Variants in LTBP2 observed in about 807,000 individuals in gnomAD.
The protein encoded by LTBP2 is latent-transforming growth factor beta-binding protein 2.
A neutral mutation model predicts 210.6 loss-of-function variants in LTBP2; 103 were observed. The observed-to-expected ratio is 0.49, with a 90% CI of 0.42 to 0.58. The LOEUF (loss-of-function observed/expected upper bound fraction) is 0.58. Among genes scored for constraint, LTBP2 ranks in the 20% least tolerant of loss-of-function variants. The pLI is 0.00. For synonymous variants in LTBP2, 1,007 were observed against 1,015.0 expected (o/e 0.99, Z 0.15); for missense variants, 2,313 against 2,494.5 (o/e 0.93, Z 1.55).
chr14:74,566,693 G>A (rs2087907190), intron 3 of LTBP2, among the ~76,000 whole-genome samples: 1 of 152,310 alleles, frequency 6.6e-6, no homozygotes, highest in East Asian at 1.9e-4. Context: ...ACGCTGATAG[G>A]GCATCATCAA....
chr14:74,611,714 C>T lies in LTBP2; in HGVS notation c.231G>A (p.Ala77=), dbSNP rs1230336702. 6 of 1,593,374 alleles carry T rather than the reference C, an allele frequency of 3.8e-6. No individual in the cohort carries two copies. In the South Asian group the frequency reaches 6.7e-5, roughly 18 times the overall value. The change falls in exon 1 of 36, where the codon GCG becomes GCA. Residue 77 remains alanine, a synonymous_variant. Coordinates refer to ENST00000261978, the MANE Select transcript of LTBP2 (RefSeq NM_000428.3). The part of the protein sequence containing the change: ...KVYSLFREQD[A]PVAGLQPVER... ...CCACGGGCTGCAAGCCCGCGACAGG[C>T]GCGTCCTGCTCCCGGAACAGACTGT...
intron 13 of LTBP2, among the ~76,000 whole-genome samples, chr14:74,527,036 T>C (rs2139716622): frequency 6.6e-6 from 1 of 152,304 alleles, no homozygotes; most frequent in African/African-American, 2.4e-5. Context: ...GCTTAAAGCT[T>C]GAGTGACAGC....
At chr14:74,597,252 G>A (rs1054607418) in intron 2 of LTBP2, among the ~76,000 whole-genome samples, 1 of 152,136 alleles carries the variant, frequency 6.6e-6, no homozygotes, top group Non-Finnish European at 1.5e-5. Flanking sequence ...GTCAATTGTC[G>A]GGCACAGTGC....
chr14:74,586,811 G>A lies in LTBP2; in HGVS notation c.566-693C>T, dbSNP rs185174358. Among the ~76,000 whole-genome samples, 13 of 152,218 alleles carry A rather than the reference G, an allele frequency of 8.5e-5. No homozygotes were observed. The highest frequency in any genetic ancestry group is 1.9e-4 in the Non-Finnish European group (13 of 68,006). Reference sequence around the variant, plus strand: ...TTAGCAAGGCAGAACTCTCGACTGCGGCCAGAGAAAGCACGGTGGCCAGAA... The same window carrying A: ...TTAGCAAGGCAGAACTCTCGACTGCAGCCAGAGAAAGCACGGTGGCCAGAA... On this transcript the variant is annotated intron_variant, in intron 2 of 35. Transcript: ENST00000261978. This position sits in a 1 kb window ranked among gnomAD's most constrained non-coding sequence, Gnocchi z 4.6.
In LTBP2 at chr14:74,597,084, C is replaced by T. The variant is rs2088376849; in HGVS notation, c.565+6551G>A. On this transcript the variant is annotated intron_variant, in intron 2 of 35. Coordinates refer to ENST00000261978, the MANE Select transcript of LTBP2 (RefSeq NM_000428.3). ...AAAATAGAAGACCCCAGACTAAGTC[C>T]TGGGAAACCCACAGTTTAGTAGTGA... 2.0e-5 allele frequency among the ~76,000 whole-genome samples: 3 copies of T among 152,190 alleles called. No individual in the cohort carries two copies. The South Asian group carries it at 6.2e-4, about 32-fold the overall frequency.
intron 8 of LTBP2, among the ~76,000 whole-genome samples, chr14:74,548,414 G>T (rs1485383145): frequency 6.6e-6 from 1 of 152,010 alleles, no homozygotes; most frequent in African/African-American, 2.4e-5. Context: ...TGGAGAGGAA[G>T]GTGCGGTTTT....
chr14:74,606,255 A>G (rs2088524874), intron 1 of LTBP2, among the ~76,000 whole-genome samples: 1 of 152,172 alleles, frequency 6.6e-6, no homozygotes, highest in Non-Finnish European at 1.5e-5. Context: ...GCCCTTTGTT[A>G]AAAACCTCCC....
At position 74,528,896 on chromosome 14, in the gene LTBP2, C is replaced by T. The variant is rs1379727745; in HGVS notation, c.2152+62G>A. 6 of 1,587,982 alleles carry T rather than the reference C, an allele frequency of 3.8e-6. No individual in the cohort carries two copies. The African/African-American group carries it at 6.7e-5, about 18-fold the overall frequency. On this transcript the variant is annotated intron_variant, in intron 11 of 35. Transcript: ENST00000261978. ...TTGAGGGAAGTCTACCCAGGCCTGG[C>T]AACATGGTCACTGGCCTTGAGCCCC...
chr14:74,516,777 TG>T, intron 18 of LTBP2, 44 bp downstream of exon 18: 1 of 1,362,176 alleles, frequency 7.3e-7, no homozygotes, highest in Non-Finnish European at 9.9e-7. Flanking sequence ...GAGGGACAGG[TG>T]GGTGGTGGGG....
At chr14:74,509,534 G>A (rs910933919) in intron 21 of LTBP2, among the ~76,000 whole-genome samples, 171 bp from the exon 22 acceptor site, 1 of 152,152 alleles carries the variant, frequency 6.6e-6, no homozygotes, top group African/African-American at 2.4e-5. Flanking sequence ...TCTGGGACTG[G>A]CTTTTCCTCC....
chr14:74,611,790 C>A lies in LTBP2; in HGVS notation c.155G>T (p.Arg52Leu), dbSNP rs779060400. 3 of 1,610,704 alleles carry A rather than the reference C, an allele frequency of 1.9e-6. No individual in the cohort carries two copies. Among genetic ancestry groups the A allele is most frequent in the Admixed American group, 3.3e-5 (2 of 59,978 alleles). Residue 52 changes from arginine (R) to leucine (L), a missense_variant, in exon 1 of 36, where the codon CGA (arginine) becomes CTA (leucine). Physicochemically the swap from Arg to Leu is moderately radical, Grantham distance 102. Transcript: ENST00000261978. Reference protein sequence around the residue: ...RYEPAGGDANRLRRPGGSYPA... With the variant: ...RYEPAGGDANLLRRPGGSYPA... ...GTAGCTGCCCCCAGGGCGCCGCAGT[C>A]GATTCGCGTCTCCACCAGCCGGCTC...
intron 14 of LTBP2, among the ~76,000 whole-genome samples, chr14:74,525,556 C>T (rs1369586172): frequency 6.6e-6 from 1 of 152,230 alleles, no homozygotes; most frequent in African/African-American, 2.4e-5. Context: ...TCTTTCACTT[C>T]TGCTTACAAA....
intron 17 of LTBP2, among the ~76,000 whole-genome samples, chr14:74,519,711 C>T (rs1162420922): frequency 1.3e-5 from 2 of 152,184 alleles, no homozygotes; most frequent in Non-Finnish European, 2.9e-5. Flanking sequence ...CCCCGTTCCC[C>T]AGCTGCTGGG....
At chr14:74,599,543 C>T (rs934171995) in intron 2 of LTBP2, among the ~76,000 whole-genome samples, 4 of 152,350 alleles carry the variant, frequency 2.6e-5, no homozygotes, top group South Asian at 2.1e-4. Flanking sequence ...CCCGGCAGGC[C>T]GCAATCAGCT....
chr14:74,592,759 G>A (rs1595297406), intron 2 of LTBP2, among the ~76,000 whole-genome samples: 2 of 152,260 alleles, frequency 1.3e-5, no homozygotes, highest in South Asian at 2.1e-4. Context: ...TTATTGGTCC[G>A]TTTATCAAGC....
At chr14:74,555,442 G>C in intron 4 of LTBP2, 61 bp downstream of exon 4, 1 of 1,571,074 alleles carries the variant, frequency 6.4e-7, no homozygotes, top group Non-Finnish European at 8.7e-7. Context: ...GGGAAGCCAA[G>C]GTGGGAGAAG....
intron 22 of LTBP2, 140 bp from the exon 23 acceptor site, chr14:74,509,092 A>G (rs2087033561): frequency 1.3e-6 from 2 of 1,568,210 alleles, no homozygotes; most frequent in Admixed American, 1.7e-5. Context: ...GAGGCAGCAC[A>G]GCTGGGACAA....
intron 21 of LTBP2, among the ~76,000 whole-genome samples, 185 bp from the exon 22 acceptor site, chr14:74,509,548 C>T (rs1056136477): frequency 6.6e-6 from 1 of 152,192 alleles, no homozygotes; most frequent in African/African-American, 2.4e-5. Context: ...TTCCTCCTGT[C>T]CTCACTCTGA....
intron 1 of LTBP2, among the ~76,000 whole-genome samples, chr14:74,604,164 CAAAA>C (rs59313477): frequency 2.3e-4 from 17 of 72,742 alleles, no homozygotes; most frequent in African/African-American, 1.3e-3. Flanking sequence ...TGCCTCTCAC[CAAAA>C]AAAAAAAAAA....
Sources: gnomAD v4.1 joint callset for allele counts (sites outside exome capture counted in the v4.1 genomes callset) on GRCh38, gnomAD v4.1.1 for gene constraint, Gnocchi (gnomAD v3.1) non-coding constraint, MANE v1.5 for transcripts, NCBI Gene and HGNC (gene_info 2026-07-23, HGNC 2026-07-21) for gene names.